Variants in CERS4 observed in about 807,000 individuals in gnomAD.
CERS4 encodes LAG1 homolog, ceramide synthase 4.
CERS4 carries 65 observed loss-of-function variants against 51.8 expected under a neutral mutation model. The ratio of observed to expected loss-of-function variants is 1.26; its 90% CI spans 1.03 to 1.54. CERS4 has a LOEUF of 1.54. Among genes scored for constraint, CERS4 ranks in the 40% most tolerant of loss-of-function variants. CERS4 has a pLI of 0.00. For missense variants in CERS4, 563 were observed against 500.4 expected, an observed-to-expected ratio of 1.13 and a Z score of -1.19; for synonymous variants, 228 against 208.4, an observed-to-expected ratio of 1.09 and a Z score of -0.81.
At position 8,218,721 on chromosome 19, in the gene CERS4, A is replaced by G. The variant is rs117321295; in HGVS notation, c.-2+7859A>G. On this transcript the variant is annotated intron_variant, in intron 2 of 11. Coordinates refer to ENST00000251363, the MANE Select transcript of CERS4 (RefSeq NM_024552.3). Reference sequence around the variant, plus strand: ...AGAGGAGGGGCGGTCCTGGACCGTCATCTGAGAGGAAGTGCTTTGCCTCCA... The same window carrying G: ...AGAGGAGGGGCGGTCCTGGACCGTCGTCTGAGAGGAAGTGCTTTGCCTCCA... 2.5e-3 allele frequency among the ~76,000 whole-genome samples: 383 copies of G among 152,300 alleles called. 1 individual carries two copies. The highest frequency in any genetic ancestry group is 3.9e-3 in the Non-Finnish European group (263 of 68,024).
rs553868736 is a variant in CERS4, at chr19:8,217,677, C to T, written c.-2+6815C>T. 1.7e-4 allele frequency among the ~76,000 whole-genome samples: 26 copies of T among 152,036 alleles called. 1 individual carries two copies. The highest frequency in any genetic ancestry group is 6.3e-4 in the African/African-American group (26 of 41,490). ...TCAGCCTCCCCAGTAGCTGGGACTA[C>T]AGGTGCCCACCACCACGCCTGGCTA... On this transcript the variant is annotated intron_variant, in intron 2 of 11. Transcript: ENST00000251363.
Position 8,261,670 on chromosome 19 carries a change from C to T in CERS4, c.849-18C>T. 2 of 1,613,628 alleles carry T rather than the reference C, an allele frequency of 1.2e-6. No individual in the cohort carries two copies. The highest frequency in any genetic ancestry group is 2.2e-5 in the South Asian group (2 of 91,064). On this transcript the variant is annotated intron_variant, in intron 10 of 11. Transcript: ENST00000251363. Reference sequence around the variant, plus strand: ...CGGCTGGTCAAACCCCAGCCTCCTCCTCTCCCCCTGGCTGTAGGATCCTCT... The same window carrying T: ...CGGCTGGTCAAACCCCAGCCTCCTCTTCTCCCCCTGGCTGTAGGATCCTCT...
At chr19:8,228,438 G>T (rs1363912243) in intron 2 of CERS4, among the ~76,000 whole-genome samples, 2 of 152,142 alleles carry the variant, frequency 1.3e-5, no homozygotes, top group Non-Finnish European at 2.9e-5. Context: ...ACTTTGGGAG[G>T]CCTAAGTGGG....
intron 2 of CERS4, among the ~76,000 whole-genome samples, chr19:8,248,905 AT>A (rs1359093290): frequency 7.3e-6 from 1 of 136,636 alleles, no homozygotes; most frequent in Non-Finnish European, 1.6e-5. Flanking sequence ...GGGTGGACAT[AT>A]GGATGATGGG....
intron 2 of CERS4, among the ~76,000 whole-genome samples, chr19:8,243,538 C>T (rs1357128503): frequency 6.6e-6 from 1 of 152,160 alleles, no homozygotes; most frequent in Non-Finnish European, 1.5e-5. Context: ...TGCCCCTCCC[C>T]AACCAGAGTA....
intron 2 of CERS4, among the ~76,000 whole-genome samples, chr19:8,225,353 G>A (rs1419793945): frequency 6.6e-6 from 1 of 151,980 alleles, no homozygotes; most frequent in African/African-American, 2.4e-5. Flanking sequence ...AGTAGGGTGG[G>A]GACAGAGAGG....
chr19:8,259,597 A>G (rs902640077), intron 10 of CERS4, among the ~76,000 whole-genome samples: 4 of 152,018 alleles, frequency 2.6e-5, no homozygotes, highest in African/African-American at 4.8e-5. Flanking sequence ...AGGGTAGGCG[A>G]GAGAAGTGGG....
At chr19:8,213,123 T>TCCACCTC (rs1967148206) in intron 2 of CERS4, among the ~76,000 whole-genome samples, 1 of 151,890 alleles carries the variant, frequency 6.6e-6, no homozygotes, top group Admixed American at 6.6e-5. Flanking sequence ...CACTGCAACC[T>TCCACCTC]CCACCTCCCA....
chr19:8,220,578 T>A (rs1371950604), intron 2 of CERS4, among the ~76,000 whole-genome samples: 1 of 152,148 alleles, frequency 6.6e-6, no homozygotes, highest in Non-Finnish European at 1.5e-5. Context: ...GTACTGGGAA[T>A]ACAGGCATGA....
At chr19:8,239,885 G>T (rs951859549) in intron 2 of CERS4, among the ~76,000 whole-genome samples, 1 of 152,106 alleles carries the variant, frequency 6.6e-6, no homozygotes, top group Non-Finnish European at 1.5e-5. Flanking sequence ...CCTGTCTGAG[G>T]CTCTGAGGAT....
At chr19:8,225,417 C>CTTT (rs35365775) in intron 2 of CERS4, among the ~76,000 whole-genome samples, 1 of 113,878 alleles carries the variant, frequency 8.8e-6, no homozygotes, top group African/African-American at 3.5e-5. Flanking sequence ...TCCAATAATT[C>CTTT]TTTTTTTTTT....
At chr19:8,211,008 C>T (rs1485031538) in intron 2 of CERS4, 146 bp downstream of exon 2, 3 of 151,476 alleles carry the variant, frequency 2.0e-5, no homozygotes, top group Non-Finnish European at 1.5e-5. Context: ...GTTCATGGAT[C>T]GATGAAAGCC....
chr19:8,239,815 T>G (rs1398909812), intron 2 of CERS4, among the ~76,000 whole-genome samples: 2 of 152,208 alleles, frequency 1.3e-5, no homozygotes, highest in Non-Finnish European at 2.9e-5. Context: ...CCTGTCCATC[T>G]GTCTATTCTA....
At chr19:8,246,880 G>T (rs1275205358) in intron 2 of CERS4, among the ~76,000 whole-genome samples, 1 of 151,962 alleles carries the variant, frequency 6.6e-6, no homozygotes, top group East Asian at 1.9e-4. Flanking sequence ...AAACATTGGG[G>T]GAAGGCCGGG....
Position 8,255,849 on chromosome 19 carries a change from C to A in CERS4, c.438C>A (p.Ser146=). The A allele has an allele frequency of 1.2e-6, 2 of 1,613,968 alleles. No homozygotes were observed. Among genetic ancestry groups the A allele is most frequent in the Non-Finnish European group, 1.7e-6 (2 of 1,180,024 alleles). Residue 146 remains serine (S), a synonymous_variant, in exon 6 of 12, where the codon TCC becomes TCA. Transcript: ENST00000251363. ...ASWRFLFYLS[S]FVGGLSVLYH... ...GGAGGTTTCTCTTCTACCTGTCCTCCTTCGTGGGCGGCCTCTCGGTCCTGT... is the reference window on the plus strand; with the variant it reads ...GGAGGTTTCTCTTCTACCTGTCCTCATTCGTGGGCGGCCTCTCGGTCCTGT...
intron 2 of CERS4, among the ~76,000 whole-genome samples, chr19:8,228,500 C>A (rs1036552995): frequency 2.0e-5 from 3 of 151,812 alleles, no homozygotes; most frequent in Admixed American, 2.0e-4. Context: ...CATGGCGAAA[C>A]CCCATCTCTA....
At chr19:8,233,313 G>A (rs1395174370) in intron 2 of CERS4, among the ~76,000 whole-genome samples, 4 of 151,706 alleles carry the variant, frequency 2.6e-5, no homozygotes, top group South Asian at 2.1e-4. Context: ...TCACAGGCAC[G>A]TACCACCACA....
chr19:8,261,951 G>C lies in CERS4; in HGVS notation c.1027G>C (p.Asp343His). ...CCAGATGGAGAAGGACATTCGTAGT[G>C]ATGTAGAAGAATCAGACTCCAGTGA... ...KGQMEKDIRS[D>H]VEESDSSEEA... Residue 343 changes from aspartate (D) to histidine (H), a missense_variant, in exon 12 of 12, where the codon GAT becomes CAT. Coordinates refer to ENST00000251363, the MANE Select transcript of CERS4 (RefSeq NM_024552.3). The C allele has an allele frequency of 6.2e-7, 1 of 1,607,104 alleles. No homozygotes were observed. Among genetic ancestry groups the C allele is most frequent in the South Asian group, 1.1e-5 (1 of 90,408 alleles).
At position 8,253,449 on chromosome 19, in the gene CERS4, C is replaced by CTTTT. The variant is rs35212733; in HGVS notation, c.174-1031_174-1028dup. Among the ~76,000 whole-genome samples the CTTTT allele has an allele frequency of 3.3e-3, 241 of 74,046 alleles. 2 individuals carry two copies. Among genetic ancestry groups the CTTTT allele is most frequent in the African/African-American group, 0.011 (226 of 20,170 alleles). 48.6% of individuals were successfully genotyped at this position (74,046 alleles called of 152,430 possible). On this transcript the variant is annotated intron_variant, in intron 3 of 11. Coordinates refer to ENST00000251363, the MANE Select transcript of CERS4 (RefSeq NM_024552.3). The stretch of plus-strand genomic sequence containing the variant: ...ACCCTACAGACAAAGGTCCAGCTGC[C>CTTTT]TTTTTTTTTTTTTTTTTTTTTTGGG...
Sources: gnomAD v4.1 joint callset for allele counts (sites outside exome capture counted in the v4.1 genomes callset) on GRCh38, gnomAD v4.1.1 for gene constraint, MANE v1.5 for transcripts, NCBI Gene and HGNC (gene_info 2026-07-23, HGNC 2026-07-21) for gene names.